SORCS3: variants seen among roughly 807,000 people sequenced by gnomAD.
The protein encoded by SORCS3 is sortilin related VPS10 domain containing receptor 3.
SORCS3 carries 57 observed loss-of-function variants against 146.3 expected under a neutral mutation model. The observed-to-expected ratio is 0.39, with a 90% CI of 0.31 to 0.49. SORCS3 has a LOEUF of 0.49. Ranked by LOEUF, SORCS3 falls within the 20% of genes least tolerant of loss-of-function variation. SORCS3 has a pLI of 0.92. For synonymous variants in SORCS3, 653 were observed against 618.5 expected, an observed-to-expected ratio of 1.06 and a Z score of -0.83; for missense variants, 1,341 against 1,575.5, an observed-to-expected ratio of 0.85 and a Z score of 2.52.
chr10:105,245,539 T>C lies in SORCS3; in HGVS notation c.2869-3T>C, dbSNP rs769080391. ...GAATGAGTATTGTTACTTCTTCTTG[T>C]AGCCTCTCATCACTTTGGACAGCAG... is the stretch of plus-strand genomic sequence containing the variant. On this transcript the variant is annotated splice_region_variant and splice_polypyrimidine_tract_variant and intron_variant, in intron 20 of 26. Coordinates refer to ENST00000369701, the MANE Select transcript of SORCS3 (RefSeq NM_014978.3). 1 of 1,614,088 alleles carries C rather than the reference T, an allele frequency of 6.2e-7. No individual in the cohort carries two copies. The highest frequency in any genetic ancestry group is 8.5e-7 in the Non-Finnish European group (1 of 1,179,980).
At chr10:105,084,513 T>G (rs892951033) in intron 5 of SORCS3, among the ~76,000 whole-genome samples, 1 of 152,208 alleles carries the variant, frequency 6.6e-6, no homozygotes, top group Non-Finnish European at 1.5e-5. Flanking sequence ...CTTGGGACTT[T>G]AAGACGAGGG....
chr10:105,027,884 G>A (rs938763986), intron 4 of SORCS3, among the ~76,000 whole-genome samples: 2 of 152,112 alleles, frequency 1.3e-5, no homozygotes, highest in African/African-American at 4.8e-5. Flanking sequence ...CCTTGCTGTT[G>A]GCCATGAGTT....
At chr10:104,818,062 C>A (rs949793874) in intron 1 of SORCS3, among the ~76,000 whole-genome samples, 3 of 152,086 alleles carry the variant, frequency 2.0e-5, no homozygotes, top group Admixed American at 6.5e-5. Flanking sequence ...CTGCAGGTTG[C>A]CCTATCTACG....
At chr10:104,931,005 G>A (rs1412818854) in intron 3 of SORCS3, among the ~76,000 whole-genome samples, 3 of 152,134 alleles carry the variant, frequency 2.0e-5, no homozygotes, top group Non-Finnish European at 2.9e-5. Context: ...GAAAACAGGG[G>A]ATAATTCCAT....
chr10:104,952,640 G>A (rs1228318861), intron 3 of SORCS3, among the ~76,000 whole-genome samples: 3 of 152,088 alleles, frequency 2.0e-5, no homozygotes, highest in African/African-American at 7.2e-5. Flanking sequence ...ACCAAATTGA[G>A]AGCTGTGCTT....
intron 13 of SORCS3, among the ~76,000 whole-genome samples, chr10:105,171,425 G>A (rs898074503): frequency 2.0e-5 from 3 of 152,276 alleles, no homozygotes; most frequent in Non-Finnish European, 4.4e-5. Context: ...AATCGGCAGA[G>A]CACCTAATGG....
At chr10:104,796,598 T>G (rs764279163) in intron 1 of SORCS3, among the ~76,000 whole-genome samples, 2 of 152,250 alleles carry the variant, frequency 1.3e-5, no homozygotes, top group Non-Finnish European at 2.9e-5. Flanking sequence ...TCCATTTTGT[T>G]GGAAATATAC....
Position 104,819,127 on chromosome 10 carries a change from G to A in SORCS3, c.628-23665G>A, listed in dbSNP as rs188530505. ...TTTGTATTTGAGGTTTTGTGGATTTGCAGGAATCTCAATGTCACTTGAGAA... is the reference window on the plus strand; with the variant it reads ...TTTGTATTTGAGGTTTTGTGGATTTACAGGAATCTCAATGTCACTTGAGAA... On this transcript the variant is annotated intron_variant, in intron 1 of 26. Coordinates refer to ENST00000369701, the MANE Select transcript of SORCS3 (RefSeq NM_014978.3). 2.2e-4 allele frequency among the ~76,000 whole-genome samples: 33 copies of A among 152,228 alleles called. No homozygotes were observed. In the East Asian group the frequency reaches 5.6e-3, roughly 26 times the overall value.
intron 1 of SORCS3, among the ~76,000 whole-genome samples, chr10:104,786,445 T>A (rs564639173): frequency 1.3e-5 from 2 of 151,544 alleles, no homozygotes; most frequent in Admixed American, 1.3e-4. Flanking sequence ...CTACTCGGGA[T>A]GCTGAGGCAG....
chr10:105,257,539 A>T (rs1287238052), intron 25 of SORCS3, among the ~76,000 whole-genome samples: 3 of 152,216 alleles, frequency 2.0e-5, no homozygotes, highest in African/African-American at 7.2e-5. Context: ...TTAGAAACGT[A>T]AAATTGAAAT....
chr10:105,042,664 C>T (rs1327346982), intron 4 of SORCS3, among the ~76,000 whole-genome samples: 2 of 152,070 alleles, frequency 1.3e-5, no homozygotes, highest in Admixed American at 1.3e-4. Flanking sequence ...ATCTATAGAG[C>T]AGTAAGAAAT....
intron 1 of SORCS3, among the ~76,000 whole-genome samples, chr10:104,758,722 G>T (rs187912825): frequency 6.6e-6 from 1 of 152,138 alleles, no homozygotes; most frequent in Admixed American, 6.5e-5. Flanking sequence ...GGATATTGTG[G>T]CTCCTCGCCA....
intron 3 of SORCS3, among the ~76,000 whole-genome samples, chr10:104,961,031 T>C (rs972213724): frequency 6.6e-6 from 1 of 152,206 alleles, no homozygotes; most frequent in East Asian, 1.9e-4. Flanking sequence ...TTCAACAAGA[T>C]GCTTATAAAT....
At chr10:104,652,508 C>T (rs2015575260) in intron 1 of SORCS3, among the ~76,000 whole-genome samples, 1 of 152,120 alleles carries the variant, frequency 6.6e-6, no homozygotes, top group African/African-American at 2.4e-5. Flanking sequence ...TTTACCTCAC[C>T]TCTCCTTCAT....
At chr10:105,116,423 A>G (rs186622384) in intron 7 of SORCS3, among the ~76,000 whole-genome samples, 52 of 152,324 alleles carry the variant, frequency 3.4e-4, no homozygotes, top group African/African-American at 1.3e-3. Context: ...AAGCTGGTGG[A>G]TCAGTGCTGG....
chr10:105,018,094 A>G (rs1013499267), intron 4 of SORCS3, among the ~76,000 whole-genome samples: 2 of 152,242 alleles, frequency 1.3e-5, no homozygotes, highest in African/African-American at 4.8e-5. Flanking sequence ...GTTCAAGAGA[A>G]GACCTGGCTT....
intron 13 of SORCS3, among the ~76,000 whole-genome samples, chr10:105,173,648 T>C (rs1413558131): frequency 6.6e-6 from 1 of 152,196 alleles, no homozygotes; most frequent in Non-Finnish European, 1.5e-5. Flanking sequence ...GTGAAACTTG[T>C]CTTTTAAAGC....
At chr10:104,838,252 C>G (rs976587656) in intron 1 of SORCS3, among the ~76,000 whole-genome samples, 2 of 152,098 alleles carry the variant, frequency 1.3e-5, no homozygotes, top group South Asian at 2.1e-4. Context: ...CCATATCCAC[C>G]GACTGGGTTT....
chr10:105,071,651 A>G (rs1440041989), intron 5 of SORCS3, among the ~76,000 whole-genome samples: 1 of 152,204 alleles, frequency 6.6e-6, no homozygotes, highest in Non-Finnish European at 1.5e-5. Flanking sequence ...CCCGTCAAGC[A>G]TTTATCCTTT....
Sources: gnomAD v4.1 joint callset for allele counts (sites outside exome capture counted in the v4.1 genomes callset) on GRCh38, gnomAD v4.1.1 for gene constraint, MANE v1.5 for transcripts, NCBI Gene and HGNC (gene_info 2026-07-23, HGNC 2026-07-21) for gene names.